Variants in NCKAP1 observed in about 807,000 individuals in gnomAD.
The protein encoded by NCKAP1 is NCK associated protein 1, also known as nck-associated protein 1.
A neutral mutation model predicts 151.2 loss-of-function variants in NCKAP1; 21 were observed. The observed-to-expected ratio is 0.14, with a 90% CI of 0.10 to 0.20. NCKAP1 has a LOEUF of 0.20. NCKAP1 is among the 10% of genes least tolerant of loss of function. The pLI is 1.00. For missense variants in NCKAP1, 933 were observed against 1,352.1 expected, an observed-to-expected ratio of 0.69 and a Z score of 4.86; for synonymous variants, 484 against 451.8, an observed-to-expected ratio of 1.07 and a Z score of -0.90.
At chr2:182,991,957 G>C (rs561405595) in intron 8 of NCKAP1, among the ~76,000 whole-genome samples, 2 of 152,288 alleles carry the variant, frequency 1.3e-5, no homozygotes, top group South Asian at 4.1e-4. Context: ...ACAACTCTTA[G>C]CATCGGGCTA....
At chr2:182,956,645 AC>A (rs751447495) in intron 19 of NCKAP1, 52 bp from the exon 20 acceptor site, 65 of 1,523,798 alleles carry the variant, frequency 4.3e-5, no homozygotes, top group Non-Finnish European at 5.2e-5. Flanking sequence ...CACAGGCAAT[AC>A]AAAATTAATT....
chr2:183,037,026 T>C (rs985429286), intron 1 of NCKAP1, among the ~76,000 whole-genome samples: 5 of 152,218 alleles, frequency 3.3e-5, no homozygotes, highest in Non-Finnish European at 7.4e-5. Context: ...TTACCAACCT[T>C]GCCTTAAGGG....
chr2:182,950,770 T>C (rs577166135), intron 23 of NCKAP1, among the ~76,000 whole-genome samples: 2 of 152,266 alleles, frequency 1.3e-5, no homozygotes, highest in African/African-American at 4.8e-5. Context: ...CTTAAACATT[T>C]GTCCGAAATC....
At chr2:182,928,350 A>T (rs1696690223) in intron 28 of NCKAP1, 124 bp from the exon 29 acceptor site, 1 of 638,938 alleles carries the variant, frequency 1.6e-6, no homozygotes, top group African/African-American at 1.8e-5. Context: ...TTGGGACATG[A>T]CCGGACTTGC....
At position 183,001,853 on chromosome 2, in the gene NCKAP1, A is replaced by G. The variant is rs896589724; in HGVS notation, c.603+100T>C. 4.3e-6 allele frequency: 4 copies of G among 939,244 alleles called. No homozygotes were observed. The South Asian group carries it at 4.7e-5, about 11-fold the overall frequency. The allele number at this position is 939,244 out of a possible 1,614,324, so 58.2% of individuals were successfully genotyped here. On this transcript the variant is annotated intron_variant, in intron 6 of 30. Transcript: ENST00000361354. ...ACATAACTATTACTTATATCCCATT[A>G]TAGTATTTTTCAAAAACAAGATTAT...
chr2:182,972,224 C>CAAAAAAAAA (rs56834438), intron 15 of NCKAP1, among the ~76,000 whole-genome samples: 15 of 67,704 alleles, frequency 2.2e-4, no homozygotes, highest in African/African-American at 2.9e-4. Context: ...AGCTTAATAG[C>CAAAAAAAAA]AAAAAAAAAA....
intron 1 of NCKAP1, among the ~76,000 whole-genome samples, chr2:183,028,343 C>T (rs1463240898): frequency 2.0e-5 from 3 of 152,020 alleles, no homozygotes; most frequent in Non-Finnish European, 4.4e-5. Context: ...ACATAAAATA[C>T]TATAATTTCA....
chr2:183,010,423 C>A (rs577735713), intron 2 of NCKAP1, among the ~76,000 whole-genome samples: 7 of 152,324 alleles, frequency 4.6e-5, no homozygotes, highest in Non-Finnish European at 1.0e-4. Flanking sequence ...GTGGAATGCA[C>A]TGCGGTAACC....
chr2:183,009,305 G>A (rs1240128908), intron 2 of NCKAP1, among the ~76,000 whole-genome samples: 1 of 150,996 alleles, frequency 6.6e-6, no homozygotes, highest in Non-Finnish European at 1.5e-5. Context: ...AACCTGGGAG[G>A]TGGAGGCTGC....
chr2:182,944,778 T>G (rs1379356331), intron 23 of NCKAP1, among the ~76,000 whole-genome samples: 1 of 152,142 alleles, frequency 6.6e-6, no homozygotes, highest in East Asian at 1.9e-4. Context: ...TTATATCAGT[T>G]TAGATTAAAT....
rs1696850957 is a variant in NCKAP1 at position 182,935,277 on chromosome 2, T to C, written c.2778+16A>G. 1.3e-6 allele frequency: 2 copies of C among 1,523,216 alleles called. No homozygotes were observed. The highest frequency in any genetic ancestry group is 1.8e-6 in the Non-Finnish European group (2 of 1,119,300). 94.4% of individuals were successfully genotyped at this position (1,523,216 alleles called of 1,614,324 possible). ...ATTGTTTGGATACCGAGTATATACT[T>C]GTAATGGTTTCTTACATCTCTAAGT... On this transcript the variant is annotated intron_variant, in intron 25 of 30. Transcript: ENST00000361354.
Position 182,928,814 on chromosome 2 carries a change from A to G in NCKAP1, c.3039T>C (p.Asn1013=), listed in dbSNP as rs140632206. ...TAGCAGGGCTGTACTGAGACATCAC[A>G]TTACTGGCCAGTGTTGGCAAAGAAA... ...VAVSLPTLAS[N]VMSQYSPAIE... is the part of the protein sequence containing the mutation. The change falls in exon 28 of 31, where the codon AAT becomes AAC. Residue 1013 remains asparagine, a synonymous_variant. Coordinates refer to ENST00000361354, the MANE Select transcript of NCKAP1 (RefSeq NM_013436.5). The G allele has an allele frequency of 6.8e-5, 109 of 1,611,440 alleles. No homozygotes were observed. Among genetic ancestry groups the G allele is most frequent in the Non-Finnish European group, 8.4e-5 (99 of 1,178,234 alleles).
Position 182,985,588 on chromosome 2 carries a change from G to C in NCKAP1, c.1004+583C>G, listed in dbSNP as rs1312118804. On this transcript the variant is annotated intron_variant, in intron 10 of 30. Transcript: ENST00000361354. ...GAGGCCAAGGCAGGCTGATCACTGA[G>C]GTCAGGAGTTCAAGACCAGTCTAGC... 2.6e-5 allele frequency among the ~76,000 whole-genome samples: 4 copies of C among 152,074 alleles called. No individual in the cohort carries two copies. The East Asian group carries it at 7.7e-4, about 29-fold the overall frequency.
chr2:183,016,606 C>A (rs951988069), intron 2 of NCKAP1, among the ~76,000 whole-genome samples: 8 of 152,186 alleles, frequency 5.3e-5, no homozygotes, highest in African/African-American at 1.7e-4. Context: ...CATGCTGTTA[C>A]AACTCCCAGT....
chr2:183,037,680 G>A (rs1699129944), intron 1 of NCKAP1, among the ~76,000 whole-genome samples: 1 of 152,146 alleles, frequency 6.6e-6, no homozygotes, highest in Non-Finnish European at 1.5e-5. Flanking sequence ...GGGGGCGGGG[G>A]CGCCGAGGAG....
At chr2:182,970,229 GAGGA>G (rs1176344070) in intron 15 of NCKAP1, among the ~76,000 whole-genome samples, 1 of 152,160 alleles carries the variant, frequency 6.6e-6, no homozygotes, top group African/African-American at 2.4e-5. Flanking sequence ...AATAATTGAG[GAGGA>G]AGGAATACTT....
rs1016433469 is a variant in NCKAP1 at position 183,018,347 on chromosome 2, G to T, written c.219+5459C>A. On this transcript the variant is annotated intron_variant, in intron 2 of 30. Coordinates refer to ENST00000361354, the MANE Select transcript of NCKAP1 (RefSeq NM_013436.5). ...TGGAAAGACCAGAACTCAAATTCTG[G>T]TTTACTGAATCCAGAGTCCATCCTC... Among the ~76,000 whole-genome samples the T allele has an allele frequency of 3.2e-4, 49 of 152,194 alleles. 1 individual carries two copies. Among genetic ancestry groups the T allele is most frequent in the Non-Finnish European group, 6.9e-4 (47 of 68,036 alleles).
At chr2:182,929,205 G>T (rs6742298) in intron 27 of NCKAP1, among the ~76,000 whole-genome samples, 1 of 151,380 alleles carries the variant, frequency 6.6e-6, no homozygotes, top group African/African-American at 2.4e-5. Context: ...AATACAGTTA[G>T]GATAACTGCA....
intron 10 of NCKAP1, among the ~76,000 whole-genome samples, chr2:182,984,432 G>C (rs2105856592): frequency 6.6e-6 from 1 of 151,800 alleles, no homozygotes. Flanking sequence ...GGGTGTGTGT[G>C]TGTGTGTGTG....
Sources: gnomAD v4.1 joint callset for allele counts (sites outside exome capture counted in the v4.1 genomes callset) on GRCh38, gnomAD v4.1.1 for gene constraint, MANE v1.5 for transcripts, NCBI Gene and HGNC (gene_info 2026-07-23, HGNC 2026-07-21) for gene names.